SH2D4A: variants seen among roughly 807,000 people sequenced by gnomAD.
The protein encoded by SH2D4A is SH2 domain-containing protein 4A.
Under a neutral mutation model 64.7 loss-of-function variants are expected in SH2D4A, and 70 were observed. The observed-to-expected ratio is 1.08, with a 90% CI of 0.89 to 1.32. The LOEUF (loss-of-function observed/expected upper bound fraction) is 1.32, where lower values mean the gene tolerates loss of function less well. Among genes scored for constraint, SH2D4A ranks in the 40% most tolerant of loss-of-function variants. The pLI is 0.00. For missense variants in SH2D4A, 706 were observed against 540.1 expected, an observed-to-expected ratio of 1.31 and a Z score of -3.04; for synonymous variants, 268 against 200.7, an observed-to-expected ratio of 1.34 and a Z score of -2.83.
At chr8:19,377,215 CTA>C (rs1456157783) in intron 8 of SH2D4A, among the ~76,000 whole-genome samples, 1 of 152,182 alleles carries the variant, frequency 6.6e-6, no homozygotes, top group African/African-American at 2.4e-5. Context: ...GACCCCGTCT[CTA>C]TTAAAAATCC....
chr8:19,339,987 CAT>C (rs1400491438), intron 4 of SH2D4A, among the ~76,000 whole-genome samples: 18 of 152,278 alleles, frequency 1.2e-4, no homozygotes, highest in African/African-American at 4.3e-4. Context: ...CATCACATAA[CAT>C]ATAATTTCAA....
At chr8:19,385,948 A>G (rs993663262) in intron 8 of SH2D4A, among the ~76,000 whole-genome samples, 2 of 152,208 alleles carry the variant, frequency 1.3e-5, no homozygotes, top group East Asian at 3.9e-4. Context: ...AGCACAGAGT[A>G]GTTATTTATG....
intron 6 of SH2D4A, among the ~76,000 whole-genome samples, chr8:19,362,760 C>CA (rs1018638948): frequency 1.6e-4 from 24 of 151,338 alleles, no homozygotes; most frequent in South Asian, 1.0e-3. Context: ...CAAAACAAAA[C>CA]AAAAAAAACA....
intron 4 of SH2D4A, among the ~76,000 whole-genome samples, chr8:19,340,597 CTTTCTT>C (rs2052514719): frequency 8.0e-6 from 1 of 124,604 alleles, no homozygotes; most frequent in Non-Finnish European, 1.6e-5. Context: ...TTCTTTCTTT[CTTTCTT>C]TTTTTTTTTT....
At chr8:19,345,593 G>A (rs1441314572) in intron 4 of SH2D4A, among the ~76,000 whole-genome samples, 1 of 152,186 alleles carries the variant, frequency 6.6e-6, no homozygotes, top group African/African-American at 2.4e-5. Flanking sequence ...CCTATCCTGA[G>A]CTGGTTTTCA....
At chr8:19,354,348 T>C (rs1294934320) in intron 4 of SH2D4A, among the ~76,000 whole-genome samples, 2 of 151,880 alleles carry the variant, frequency 1.3e-5, no homozygotes, top group African/African-American at 4.8e-5. Flanking sequence ...AGCTTGTGAG[T>C]TTTGGTATAC....
intron 8 of SH2D4A, among the ~76,000 whole-genome samples, chr8:19,386,255 G>A (rs1330520138): frequency 6.6e-6 from 1 of 152,230 alleles, no homozygotes; most frequent in East Asian, 1.9e-4. Context: ...TAAAGCAGCT[G>A]GAGAAGATGA....
intron 6 of SH2D4A, 68 bp from the exon 7 acceptor site, chr8:19,364,004 G>A (rs2052939518): frequency 6.7e-7 from 1 of 1,493,958 alleles, no homozygotes; most frequent in South Asian, 1.2e-5. Context: ...GTTGTGCAAT[G>A]AATGCTGAGC....
chr8:19,326,215 A>C (rs1490182250), intron 2 of SH2D4A, among the ~76,000 whole-genome samples: 1 of 152,212 alleles, frequency 6.6e-6, no homozygotes, highest in Non-Finnish European at 1.5e-5. Context: ...CTCATTGCAA[A>C]ATAGGTGAGT....
chr8:19,392,064 T>C (rs372810895), intron 8 of SH2D4A, among the ~76,000 whole-genome samples: 3 of 152,152 alleles, frequency 2.0e-5, no homozygotes, highest in East Asian at 3.9e-4. Context: ...TACAGCATTA[T>C]CTATTCATTG....
At chr8:19,339,734 C>T (rs1291221556) in intron 4 of SH2D4A, among the ~76,000 whole-genome samples, 2 of 152,084 alleles carry the variant, frequency 1.3e-5, no homozygotes, top group Non-Finnish European at 2.9e-5. Context: ...CTCCTGGCCT[C>T]AGGTGATCCT....
chr8:19,329,336 C>CT (rs899530795), intron 2 of SH2D4A, among the ~76,000 whole-genome samples: 4 of 152,110 alleles, frequency 2.6e-5, no homozygotes, highest in Admixed American at 1.3e-4. Context: ...GGACTTAGTT[C>CT]TTTTTTTTAA....
intron 3 of SH2D4A, among the ~76,000 whole-genome samples, chr8:19,333,357 G>T (rs1189680980): frequency 6.6e-6 from 1 of 152,158 alleles, no homozygotes; most frequent in Non-Finnish European, 1.5e-5. Context: ...AAGACCTCAT[G>T]AAAATCTTTA....
chr8:19,367,144 T>C (rs1475123742), intron 7 of SH2D4A, among the ~76,000 whole-genome samples: 1 of 152,190 alleles, frequency 6.6e-6, no homozygotes, highest in East Asian at 1.9e-4. Context: ...ATTTTCTTGA[T>C]TGATTCATTG....
intron 9 of SH2D4A, among the ~76,000 whole-genome samples, chr8:19,394,325 AC>A (rs1360608697): frequency 6.6e-6 from 1 of 152,038 alleles, no homozygotes; most frequent in East Asian, 1.9e-4. Flanking sequence ...GGGGTTGGGG[AC>A]CCCTGACCTA....
intron 5 of SH2D4A, chr8:19,360,984 G>A (rs1467430200): frequency 3.1e-6 from 1 of 325,504 alleles, no homozygotes; most frequent in African/African-American, 2.2e-5. Flanking sequence ...AGGTTCATTT[G>A]TTGCTCCTGG....
intron 4 of SH2D4A, among the ~76,000 whole-genome samples, chr8:19,354,743 A>T (rs932694267): frequency 6.6e-6 from 1 of 152,236 alleles, no homozygotes; most frequent in African/African-American, 2.4e-5. Context: ...AAAGCACTGT[A>T]CCCATACAGA....
chr8:19,381,046 GTTT>G (rs869149766), intron 8 of SH2D4A, among the ~76,000 whole-genome samples: 2 of 143,500 alleles, frequency 1.4e-5, no homozygotes, highest in Non-Finnish European at 1.5e-5. Context: ...ATGTTTTGTA[GTTT>G]TTTTTTTTTT....
At chr8:19,317,204 A>G (rs1183013726) in intron 1 of SH2D4A, among the ~76,000 whole-genome samples, 1 of 151,906 alleles carries the variant, frequency 6.6e-6, no homozygotes, top group East Asian at 1.9e-4. Context: ...CTCCTTTCTT[A>G]CCACTTTATC....
Sources: gnomAD v4.1 joint callset for allele counts (sites outside exome capture counted in the v4.1 genomes callset) on GRCh38, gnomAD v4.1.1 for gene constraint, MANE v1.5 for transcripts, NCBI Gene and HGNC (gene_info 2026-07-23, HGNC 2026-07-21) for gene names.